Variants in EYS observed in about 807,000 individuals in gnomAD.
EYS encodes protein eyes shut homolog.
In EYS, 250 loss-of-function variants were observed where a neutral mutation model predicts 282.1. The ratio of observed to expected loss-of-function variants is 0.89; its 90% CI spans 0.80 to 0.98. The LOEUF is 0.98. EYS is among the 50% of genes least tolerant of loss of function. EYS has a pLI of 0.00. For missense variants in EYS, 4,016 were observed against 3,709.0 expected (o/e 1.08, Z -2.15); for synonymous variants, 1,355 against 1,282.9 (o/e 1.06, Z -1.20).
chr6:64,442,658 G>A (rs1226870078), intron 26 of EYS, among the ~76,000 whole-genome samples: 2 of 152,132 alleles, frequency 1.3e-5, no homozygotes, highest in Non-Finnish European at 2.9e-5. Flanking sequence ...TGTTCCAGCT[G>A]TTCCAGCCAT....
At chr6:65,028,799 T>C (rs1484460329) in intron 13 of EYS, among the ~76,000 whole-genome samples, 1 of 152,102 alleles carries the variant, frequency 6.6e-6, no homozygotes, top group Non-Finnish European at 1.5e-5. Context: ...TATAAACATG[T>C]ATTTTTGTTA....
chr6:63,916,696 A>G (rs1562094854), intron 35 of EYS, among the ~76,000 whole-genome samples: 1 of 152,142 alleles, frequency 6.6e-6, no homozygotes, highest in Non-Finnish European at 1.5e-5. Flanking sequence ...TCTTGATGGC[A>G]TCCTTGAAAC....
intron 28 of EYS, among the ~76,000 whole-genome samples, chr6:64,392,890 TAAAG>T (rs1773206963): frequency 6.7e-6 from 1 of 150,366 alleles, no homozygotes. Flanking sequence ...GCAAGACTAA[TAAAG>T]AAAAAAAGAG....
At chr6:65,443,741 CATATATACACATACGTGCATATACACAT>C (rs1768536784) in intron 5 of EYS, among the ~76,000 whole-genome samples, 1 of 150,524 alleles carries the variant, frequency 6.6e-6, no homozygotes, top group African/African-American at 2.4e-5. Flanking sequence ...TGCATATACA[CATATATACACATACGTGCATATACACAT>C]ATATTCATAT....
intron 19 of EYS, among the ~76,000 whole-genome samples, chr6:64,860,867 C>T (rs1766214204): frequency 6.6e-6 from 1 of 152,202 alleles, no homozygotes; most frequent in Non-Finnish European, 1.5e-5. Context: ...TGGATAGCTC[C>T]TCTTAGCAGG....
chr6:64,108,461 TC>T (rs918812687), intron 31 of EYS, among the ~76,000 whole-genome samples: 41 of 151,902 alleles, frequency 2.7e-4, no homozygotes, highest in Non-Finnish European at 5.0e-4. Context: ...AATGGTGACT[TC>T]CAAGCTCCTT....
In EYS at chr6:65,405,180, T is replaced by C. The variant is rs373412160; in HGVS notation, c.1050A>G (p.Ile350Met). The C allele has an allele frequency of 6.8e-6, 11 of 1,610,828 alleles. No individual in the cohort carries two copies. Among genetic ancestry groups the C allele is most frequent in the Non-Finnish European group, 9.3e-6 (11 of 1,177,448 alleles). ...PCQNGTDCIK[I>M]SNDVMCICSP... ...ATGTTAGATTGAGACTTACATTTGA[T>C]ATTTTGATGCAGTCAGTACCATTCT... The change falls in exon 6 of 43, where the codon ATA becomes ATG. Residue 350 changes from isoleucine to methionine, a missense_variant. Physicochemically the swap from Ile to Met is conservative, Grantham distance 10. Coordinates refer to ENST00000503581, the MANE Select transcript of EYS (RefSeq NM_001142800.2).
At chr6:65,675,718 G>C (rs1039651547) in intron 1 of EYS, among the ~76,000 whole-genome samples, 2 of 151,840 alleles carry the variant, frequency 1.3e-5, no homozygotes, top group African/African-American at 4.8e-5. Context: ...TAAGGAATAA[G>C]AGAGCTTGAA....
In EYS at chr6:65,517,343, A is replaced by AC. The variant is rs200975829; in HGVS notation, c.-332-21351_-332-21350insG. On this transcript the variant is annotated intron_variant, in intron 2 of 42. Transcript: ENST00000503581. Reference sequence around the variant, plus strand: ...ATCTGTTTTTTTCAAAACAACAACAAAAAAAAAACAAAAGCTCAAACCTTA... The same window carrying AC: ...ATCTGTTTTTTTCAAAACAACAACAACAAAAAAAACAAAAGCTCAAACCTTA... Among the ~76,000 whole-genome samples, 857 of 140,728 alleles carry AC rather than the reference A, an allele frequency of 6.1e-3. 9 individuals carry two copies. The highest frequency in any genetic ancestry group is 9.1e-3 in the Non-Finnish European group (589 of 64,986). 92.3% of individuals were successfully genotyped at this position (140,728 alleles called of 152,430 possible).
In EYS at chr6:65,344,083, T is replaced by C. The variant is rs1770302345; in HGVS notation, c.1554A>G (p.Glu518=). 1 of 1,610,990 alleles carries C rather than the reference T, an allele frequency of 6.2e-7. No homozygotes were observed. The highest frequency in any genetic ancestry group is 8.5e-7 in the Non-Finnish European group (1 of 1,178,124). ...TEDATYVNDP[E]DNNSSCWFPH... ...GGAACCAACATGAAGAATTATTATC[T>C]TCAGGATCGTTCACATAGGTTGCAT... is the stretch of plus-strand genomic sequence containing the variant. The change falls in exon 10 of 43, where the codon GAA becomes GAG. Residue 518 remains glutamate (E), a synonymous_variant. Coordinates refer to ENST00000503581, the MANE Select transcript of EYS (RefSeq NM_001142800.2).
At chr6:64,061,316 T>C (rs1463611593) in intron 33 of EYS, among the ~76,000 whole-genome samples, 2 of 152,174 alleles carry the variant, frequency 1.3e-5, no homozygotes, top group Non-Finnish European at 2.9e-5. Flanking sequence ...TGTATATATA[T>C]AGTAAGACAA....
chr6:65,698,548 A>G (rs1314711740), intron 1 of EYS, among the ~76,000 whole-genome samples: 1 of 152,142 alleles, frequency 6.6e-6, no homozygotes, highest in Non-Finnish European at 1.5e-5. Flanking sequence ...GCATCTAGAA[A>G]TTGTATTCTA....
chr6:65,274,641 G>C (rs1767993775), intron 12 of EYS, among the ~76,000 whole-genome samples: 2 of 152,062 alleles, frequency 1.3e-5, no homozygotes, highest in Non-Finnish European at 2.9e-5. Context: ...GGTTCACAGG[G>C]ATCTTTATTA....
chr6:64,884,636 AGC>A (rs1767029977), intron 19 of EYS, among the ~76,000 whole-genome samples: 3 of 151,546 alleles, frequency 2.0e-5, no homozygotes, highest in Non-Finnish European at 4.4e-5. Flanking sequence ...AATAAGAAAA[AGC>A]TTTATCTGTC....
In EYS at chr6:64,591,779, T is replaced by C. The variant is rs771452273; in HGVS notation, c.4088A>G (p.Gln1363Arg). 3 of 1,551,356 alleles carry C rather than the reference T, an allele frequency of 1.9e-6. No homozygotes were observed. Among genetic ancestry groups the C allele is most frequent in the Admixed American group, 2.0e-5 (1 of 50,980 alleles). Residue 1363 changes from glutamine to arginine, a missense_variant, in exon 26 of 43, where the codon CAG becomes CGG. By Grantham distance (43) the Gln-to-Arg change is conservative (BLOSUM62 1). Coordinates refer to ENST00000503581, the MANE Select transcript of EYS (RefSeq NM_001142800.2). ...FGIRDPAQIVQDKTSVSHMPI... is the reference protein window; with the variant it reads ...FGIRDPAQIVRDKTSVSHMPI... ...CATATGTGATACCGATGTTTTGTCC[T>C]GGACAATTTGTGCTGGGTCACGAAT...
chr6:64,575,565 A>G (rs1765855827), intron 26 of EYS, among the ~76,000 whole-genome samples: 1 of 152,146 alleles, frequency 6.6e-6, no homozygotes, highest in Non-Finnish European at 1.5e-5. Flanking sequence ...AGCAATTAAT[A>G]AGATCTAGAG....
At chr6:64,750,172 A>G (rs1324713745) in intron 22 of EYS, among the ~76,000 whole-genome samples, 1 of 152,022 alleles carries the variant, frequency 6.6e-6, no homozygotes, top group Non-Finnish European at 1.5e-5. Flanking sequence ...TTTTAAAGCT[A>G]TATTTTGGGA....
At chr6:64,844,257 G>A (rs74684368) in intron 19 of EYS, among the ~76,000 whole-genome samples, 2,708 of 151,774 alleles carry the variant, frequency 0.018, 78 homozygotes, top group African/African-American at 0.06. Context: ...GTATATCGTC[G>A]TTCTTAAATT....
intron 35 of EYS, among the ~76,000 whole-genome samples, chr6:63,889,786 G>A (rs1382920818): frequency 6.6e-6 from 1 of 152,112 alleles, no homozygotes; most frequent in African/African-American, 2.4e-5. Context: ...AACCTTAACT[G>A]AAAATGGGCT....
Sources: gnomAD v4.1 joint callset for allele counts (sites outside exome capture counted in the v4.1 genomes callset) on GRCh38, gnomAD v4.1.1 for gene constraint, MANE v1.5 for transcripts, NCBI Gene and HGNC (gene_info 2026-07-23, HGNC 2026-07-21) for gene names.